TMEM132C: variants seen among roughly 807,000 people sequenced by gnomAD.
TMEM132C encodes the protein protein phosphatase 1, regulatory subunit 152.
In TMEM132C, 29 loss-of-function variants were observed where a neutral mutation model predicts 61.4. The ratio of observed to expected loss-of-function variants is 0.47; its 90% confidence interval spans 0.35 to 0.64. The LOEUF is 0.64. TMEM132C is among the 30% of genes least tolerant of loss of function. TMEM132C has a pLI of 0.00. For synonymous variants in TMEM132C, 656 were observed against 633.1 expected (o/e 1.04, Z -0.54); for missense variants, 1,408 against 1,476.9 (o/e 0.95, Z 0.76).
intron 2 of TMEM132C, among the ~76,000 whole-genome samples, chr12:128,529,625 A>C (rs1437425880): frequency 6.6e-6 from 1 of 152,098 alleles, no homozygotes; most frequent in African/African-American, 2.4e-5. Context: ...CTCTACTAAA[A>C]ATACAAAAAA....
At chr12:128,576,101 A>G (rs1875082353) in intron 3 of TMEM132C, among the ~76,000 whole-genome samples, 1 of 152,166 alleles carries the variant, frequency 6.6e-6, no homozygotes, top group South Asian at 2.1e-4. Flanking sequence ...CTAATAATAC[A>G]AAAATTAGCT....
rs557336383 is a variant in TMEM132C at position 128,555,700 on chromosome 12, G to A, written c.1121+11597G>A. On this transcript the variant is annotated intron_variant, in intron 3 of 8. Coordinates refer to ENST00000435159, the MANE Select transcript of TMEM132C (RefSeq NM_001136103.3). ...AAAGCCCAAGATCATTGAGGTTATT[G>A]TTGTTGCCTAACTTTTTTTTTTTTT... 5.2e-4 allele frequency among the ~76,000 whole-genome samples: 78 copies of A among 149,842 alleles called. 3 individuals carry two copies. The South Asian group carries it at 0.016, about 31-fold the overall frequency.
At chr12:128,643,473 C>T (rs908273311) in intron 4 of TMEM132C, among the ~76,000 whole-genome samples, 2 of 151,968 alleles carry the variant, frequency 1.3e-5, no homozygotes, top group Non-Finnish European at 2.9e-5. Flanking sequence ...CTTGGCTCAC[C>T]GAGAGCAGAG....
chr12:128,600,016 G>A (rs770838738), intron 3 of TMEM132C, among the ~76,000 whole-genome samples: 1 of 151,978 alleles, frequency 6.6e-6, no homozygotes, highest in Non-Finnish European at 1.5e-5. Context: ...ACAGAGTCTG[G>A]CTGTCACCCA....
intron 1 of TMEM132C, among the ~76,000 whole-genome samples, chr12:128,374,912 C>A (rs1224100417): frequency 1.5e-5 from 1 of 64,978 alleles, no homozygotes; most frequent in African/African-American, 4.9e-5. Context: ...CAAACTCCGT[C>A]TGTCTCAAAA....
At chr12:128,511,590 C>G (rs764847383) in intron 2 of TMEM132C, among the ~76,000 whole-genome samples, 2 of 152,222 alleles carry the variant, frequency 1.3e-5, no homozygotes, top group African/African-American at 4.8e-5. Flanking sequence ...GAGCCACAGA[C>G]AGTGTCACTT....
chr12:128,543,335 C>T (rs1239066097), intron 2 of TMEM132C, among the ~76,000 whole-genome samples: 2 of 152,158 alleles, frequency 1.3e-5, no homozygotes, highest in African/African-American at 4.8e-5. Context: ...TACTATGATC[C>T]TGCTCTTTCT....
intron 4 of TMEM132C, among the ~76,000 whole-genome samples, chr12:128,625,130 G>A (rs1954002906): frequency 6.6e-6 from 1 of 152,230 alleles, no homozygotes; most frequent in East Asian, 1.9e-4. Context: ...GAACTTGAAT[G>A]GGAAAGTTAC....
intron 4 of TMEM132C, among the ~76,000 whole-genome samples, chr12:128,636,412 A>T (rs1043984621): frequency 6.6e-6 from 1 of 151,582 alleles, no homozygotes; most frequent in Non-Finnish European, 1.5e-5. Context: ...AAATCTGCAC[A>T]TGTTTAATGT....
intron 1 of TMEM132C, among the ~76,000 whole-genome samples, chr12:128,269,347 CGTGTGT>C (rs58843737): frequency 9.1e-5 from 13 of 143,142 alleles, no homozygotes; most frequent in South Asian, 2.3e-4. Context: ...GCTCACATTC[CGTGTGT>C]GTGTGTGTGT....
chr12:128,664,363 C>G (rs1954435979), intron 4 of TMEM132C, among the ~76,000 whole-genome samples: 1 of 152,134 alleles, frequency 6.6e-6, no homozygotes, highest in Non-Finnish European at 1.5e-5. Context: ...TCTCAGAAGC[C>G]TCTGGCTTTT....
At chr12:128,509,279 G>C (rs978107721) in intron 2 of TMEM132C, among the ~76,000 whole-genome samples, 1 of 152,166 alleles carries the variant, frequency 6.6e-6, no homozygotes, top group Non-Finnish European at 1.5e-5. Flanking sequence ...GAGTACCTCA[G>C]TGTTTAAAGG....
intron 2 of TMEM132C, among the ~76,000 whole-genome samples, chr12:128,425,014 G>A (rs1162897771): frequency 1.3e-5 from 2 of 152,210 alleles, no homozygotes; most frequent in African/African-American, 2.4e-5. Flanking sequence ...AATCAGATAT[G>A]TGGGTTGAAG....
chr12:128,315,793 C>A (rs10773525), intron 1 of TMEM132C, among the ~76,000 whole-genome samples: 3 of 151,658 alleles, frequency 2.0e-5, no homozygotes, highest in Non-Finnish European at 4.4e-5. Flanking sequence ...GTGCAGACCC[C>A]AAGAGAGACA....
At chr12:128,648,815 A>G (rs1593133748) in intron 4 of TMEM132C, among the ~76,000 whole-genome samples, 2 of 151,062 alleles carry the variant, frequency 1.3e-5, no homozygotes, top group East Asian at 3.9e-4. Context: ...ACTAGAGTCC[A>G]TCAGCATTGG....
At chr12:128,363,575 C>T (rs1195204445) in intron 1 of TMEM132C, among the ~76,000 whole-genome samples, 7 of 151,960 alleles carry the variant, frequency 4.6e-5, no homozygotes, top group South Asian at 2.1e-4. Context: ...TGGCCAGGTG[C>T]GGTGGCTCAT....
intron 1 of TMEM132C, among the ~76,000 whole-genome samples, chr12:128,380,157 T>G (rs2135990319): frequency 6.6e-6 from 1 of 152,386 alleles, no homozygotes; most frequent in East Asian, 1.9e-4. Flanking sequence ...CCTGTCCTTA[T>G]TTTACTACAC....
intron 2 of TMEM132C, among the ~76,000 whole-genome samples, chr12:128,420,384 G>T (rs557191971): frequency 6.6e-6 from 1 of 152,254 alleles, no homozygotes; most frequent in South Asian, 2.1e-4. Context: ...ACGTGCAAAG[G>T]TCCTGGGGAT....
chr12:128,301,963 T>G (rs1324389674), intron 1 of TMEM132C, among the ~76,000 whole-genome samples: 1 of 152,108 alleles, frequency 6.6e-6, no homozygotes, highest in Non-Finnish European at 1.5e-5. Flanking sequence ...AACCATCAGA[T>G]CTCATGAGAC....
Sources: gnomAD v4.1 joint callset for allele counts (sites outside exome capture counted in the v4.1 genomes callset) on GRCh38, gnomAD v4.1.1 for gene constraint, MANE v1.5 for transcripts, NCBI Gene and HGNC (gene_info 2026-07-23, HGNC 2026-07-21) for gene names.